Variants in PPFIA2 observed in about 807,000 individuals in gnomAD.
PPFIA2 encodes the protein liprin-alpha-2.
A neutral mutation model predicts 175.5 loss-of-function variants in PPFIA2; 46 were observed. The observed-to-expected ratio is 0.26, with a 90% CI of 0.21 to 0.34. The LOEUF (loss-of-function observed/expected upper bound fraction) is 0.34, where lower values mean the gene tolerates loss of function less well. Among genes scored for constraint, PPFIA2 ranks in the 10% least tolerant of loss-of-function variants. The pLI is 1.00. For synonymous variants in PPFIA2, 568 were observed against 511.4 expected, an observed-to-expected ratio of 1.11 and a Z score of -1.49; for missense variants, 1,179 against 1,506.1, an observed-to-expected ratio of 0.78 and a Z score of 3.60.
chr12:81,748,468 G>C (rs1233894576), intron 3 of PPFIA2, among the ~76,000 whole-genome samples: 1 of 144,472 alleles, frequency 6.9e-6, no homozygotes, highest in African/African-American at 2.4e-5. Context: ...ATTCCTATTT[G>C]GCTCTTACTC....
At chr12:81,290,387 T>G (rs2044605693) in intron 24 of PPFIA2, among the ~76,000 whole-genome samples, 1 of 151,838 alleles carries the variant, frequency 6.6e-6, no homozygotes, top group Admixed American at 6.6e-5. Context: ...CAAATTGTAT[T>G]GGAAATATAT....
chr12:81,644,231 G>A (rs2065750165), intron 4 of PPFIA2, among the ~76,000 whole-genome samples: 1 of 151,904 alleles, frequency 6.6e-6, no homozygotes, highest in Non-Finnish European at 1.5e-5. Flanking sequence ...GGTAAATGAT[G>A]CATTACTATA....
intron 15 of PPFIA2, among the ~76,000 whole-genome samples, chr12:81,360,226 A>G (rs976590517): frequency 5.9e-5 from 9 of 151,814 alleles, no homozygotes; most frequent in African/African-American, 2.2e-4. Flanking sequence ...CAATATTATC[A>G]TACTAGTTCA....
rs11114861 is a variant in PPFIA2, at chr12:81,439,952, G to A, written c.645+20C>T. ...TCAGCGATATTGCACCTCAAAAGAG[G>A]AGAAAGTGTGGCAGGTTACCTCCTG... On this transcript the variant is annotated intron_variant, in intron 7 of 32. Transcript: ENST00000549396. The A allele has an allele frequency of 4.4e-6, 7 of 1,596,342 alleles. No individual in the cohort carries two copies. The highest frequency in any genetic ancestry group is 6.0e-6 in the Non-Finnish European group (7 of 1,171,066).
chr12:81,453,251 A>G (rs1808893298), intron 5 of PPFIA2, among the ~76,000 whole-genome samples: 1 of 150,512 alleles, frequency 6.6e-6, no homozygotes, highest in Admixed American at 6.7e-5. Flanking sequence ...AAGTCACACA[A>G]TAGTTACATT....
chr12:81,444,553 C>T (rs990486534), intron 6 of PPFIA2, among the ~76,000 whole-genome samples: 3 of 151,894 alleles, frequency 2.0e-5, no homozygotes, highest in Non-Finnish European at 4.4e-5. Flanking sequence ...CCTCTCGTTG[C>T]TAAAATAAAA....
chr12:81,757,755 T>C (rs1021388521), intron 2 of PPFIA2, among the ~76,000 whole-genome samples: 1 of 152,202 alleles, frequency 6.6e-6, no homozygotes, highest in Non-Finnish European at 1.5e-5. Context: ...CCTCTTCAGA[T>C]ATGAGAGTGC....
chr12:81,752,945 T>G (rs967375169), intron 3 of PPFIA2, among the ~76,000 whole-genome samples: 2 of 152,154 alleles, frequency 1.3e-5, no homozygotes, highest in African/African-American at 4.8e-5. Flanking sequence ...TTTCATTTTT[T>G]TTTTTTTTGG....
intron 4 of PPFIA2, among the ~76,000 whole-genome samples, chr12:81,648,857 CA>C (rs1339332252): frequency 6.6e-6 from 1 of 150,790 alleles, no homozygotes; most frequent in Non-Finnish European, 1.5e-5. Flanking sequence ...TTGATTTTGG[CA>C]AAATACTATG....
At chr12:81,290,660 G>T (rs1471217827) in intron 24 of PPFIA2, among the ~76,000 whole-genome samples, 1 of 151,806 alleles carries the variant, frequency 6.6e-6, no homozygotes, top group Non-Finnish European at 1.5e-5. Flanking sequence ...ATAAAAATTT[G>T]CACATTTAGT....
intron 8 of PPFIA2, among the ~76,000 whole-genome samples, chr12:81,391,634 G>T (rs1283897344): frequency 4.0e-5 from 6 of 151,806 alleles, no homozygotes; most frequent in Non-Finnish European, 8.8e-5. Context: ...TCACAGCTAG[G>T]GTTGCCAGAT....
At chr12:81,342,179 G>A (rs1164897489) in intron 19 of PPFIA2, among the ~76,000 whole-genome samples, 3 of 152,048 alleles carry the variant, frequency 2.0e-5, no homozygotes, top group Non-Finnish European at 4.4e-5. Flanking sequence ...TTTTGTCAGA[G>A]ATGAAGATAT....
chr12:81,284,242 G>A lies in PPFIA2; in HGVS notation c.2987C>T (p.Thr996Met), dbSNP rs1255897628. 1.9e-6 allele frequency: 3 copies of A among 1,583,766 alleles called. No individual in the cohort carries two copies. The highest frequency in any genetic ancestry group is 1.1e-5 in the South Asian group (1 of 88,562). ...TTCAACAAAGCCATTAAGACTAACC[G>A]TTTTTGCTGGAGCTGCAAGATTTTC... Reference protein sequence around the residue: ...EMENLAAPAKTKESEEGSWAQ... With the variant: ...EMENLAAPAKMKESEEGSWAQ... Residue 996 changes from threonine (T) to methionine (M), a missense_variant and splice_region_variant, in exon 25 of 33, where the codon ACG (threonine) becomes ATG (methionine). By Grantham distance (81) the Thr-to-Met change is moderately conservative. Transcript: ENST00000549396.
At chr12:81,447,100 C>A (rs976359422) in intron 5 of PPFIA2, among the ~76,000 whole-genome samples, 11 of 152,000 alleles carry the variant, frequency 7.2e-5, no homozygotes, top group African/African-American at 2.4e-4. Flanking sequence ...AGATCGAGAC[C>A]ATCCTGGCTA....
intron 3 of PPFIA2, among the ~76,000 whole-genome samples, chr12:81,699,109 T>C (rs2076214899): frequency 6.6e-6 from 1 of 151,980 alleles, no homozygotes; most frequent in African/African-American, 2.4e-5. Flanking sequence ...AATAAAACAT[T>C]ATAGGATTAA....
intron 22 of PPFIA2, among the ~76,000 whole-genome samples, chr12:81,304,163 A>C (rs1378837656): frequency 6.6e-6 from 1 of 152,172 alleles, no homozygotes; most frequent in African/African-American, 2.4e-5. Context: ...ACTTTCATAC[A>C]TAGGCCCCAT....
intron 4 of PPFIA2, among the ~76,000 whole-genome samples, chr12:81,565,358 C>T (rs2071068508): frequency 6.6e-6 from 1 of 152,176 alleles, no homozygotes. Flanking sequence ...CTGGATGCTT[C>T]CTGCCCTCGA....
intron 25 of PPFIA2, among the ~76,000 whole-genome samples, chr12:81,283,554 A>T (rs1041517551): frequency 2.0e-5 from 3 of 152,126 alleles, no homozygotes; most frequent in Non-Finnish European, 4.4e-5. Flanking sequence ...TTAGTACATG[A>T]CATTGGTGTT....
chr12:81,479,840 T>C (rs1353909190), intron 4 of PPFIA2, among the ~76,000 whole-genome samples: 2 of 152,124 alleles, frequency 1.3e-5, no homozygotes, highest in African/African-American at 4.8e-5. Context: ...CCCTTAACAT[T>C]TTTTCTTTCA....
Sources: gnomAD v4.1 joint callset for allele counts (sites outside exome capture counted in the v4.1 genomes callset) on GRCh38, gnomAD v4.1.1 for gene constraint, MANE v1.5 for transcripts, NCBI Gene and HGNC (gene_info 2026-07-23, HGNC 2026-07-21) for gene names.